Variants in BANK1 observed in about 807,000 individuals in gnomAD.
The protein encoded by BANK1 is B cell scaffold protein with ankyrin repeats 1.
BANK1 carries 95 observed loss-of-function variants against 94.5 expected under a neutral mutation model. That is an observed-to-expected ratio of 1.00 (90% CI 0.85 to 1.19). The LOEUF (loss-of-function observed/expected upper bound fraction) is 1.19. BANK1 is among the 50% of genes most tolerant of loss of function. BANK1 has a pLI of 0.00. For missense variants in BANK1, 987 were observed against 932.2 expected, an observed-to-expected ratio of 1.06 and a Z score of -0.77; for synonymous variants, 334 against 308.4, an observed-to-expected ratio of 1.08 and a Z score of -0.87.
chr4:101,981,542 C>A (rs995077681), intron 7 of BANK1, among the ~76,000 whole-genome samples: 21 of 151,980 alleles, frequency 1.4e-4, no homozygotes. Context: ...TTTCTGAAAT[C>A]ATTGATGATT....
At chr4:101,794,646 C>T (rs77613358) in intron 1 of BANK1, among the ~76,000 whole-genome samples, 93,128 of 151,468 alleles carry the variant, frequency 0.61, 29,260 homozygotes, top group African/African-American at 0.75. Flanking sequence ...GAAATAGTCC[C>T]AGTGGTGGAA....
intron 6 of BANK1, among the ~76,000 whole-genome samples, chr4:101,897,532 A>G (rs1056682142): frequency 1.4e-4 from 21 of 152,010 alleles, no homozygotes; most frequent in African/African-American, 4.6e-4. Context: ...AATCTGGTTC[A>G]GCAGGGCTGG....
At chr4:102,013,141 C>G (rs1726566880) in intron 7 of BANK1, among the ~76,000 whole-genome samples, 1 of 152,012 alleles carries the variant, frequency 6.6e-6, no homozygotes, top group Admixed American at 6.6e-5. Context: ...TCTGGTACAC[C>G]CCGTTGTTAT....
At chr4:101,922,329 T>A (rs189585895) in intron 7 of BANK1, among the ~76,000 whole-genome samples, 1 of 151,834 alleles carries the variant, frequency 6.6e-6, no homozygotes, top group Admixed American at 6.6e-5. Flanking sequence ...ACAAGTAGAT[T>A]GTTCCATTTA....
At chr4:101,924,375 GT>G (rs1723089701) in intron 7 of BANK1, among the ~76,000 whole-genome samples, 1 of 151,742 alleles carries the variant, frequency 6.6e-6, no homozygotes, top group South Asian at 2.1e-4. Flanking sequence ...TTTTCTCAGT[GT>G]TTTGCTATGT....
intron 7 of BANK1, among the ~76,000 whole-genome samples, chr4:102,016,271 C>T (rs1222713207): frequency 6.6e-6 from 1 of 152,110 alleles, no homozygotes; most frequent in Non-Finnish European, 1.5e-5. Flanking sequence ...TGTTTGTCTT[C>T]TCCACTAATT....
intron 10 of BANK1, among the ~76,000 whole-genome samples, chr4:102,036,302 G>A (rs1037846827): frequency 6.6e-6 from 1 of 152,140 alleles, no homozygotes; most frequent in African/African-American, 2.4e-5. Context: ...CAATTCACTT[G>A]TACTTGAAAT....
intron 1 of BANK1, among the ~76,000 whole-genome samples, chr4:101,816,914 G>T (rs772650568): frequency 6.6e-6 from 1 of 152,068 alleles, no homozygotes; most frequent in Non-Finnish European, 1.5e-5. Context: ...AGGAGTCAAC[G>T]GAAGAATAAG....
intron 6 of BANK1, among the ~76,000 whole-genome samples, chr4:101,907,152 A>G (rs940611151): frequency 6.6e-6 from 1 of 152,206 alleles, no homozygotes; most frequent in Non-Finnish European, 1.5e-5. Context: ...GGCACAGATC[A>G]CTCATGCTAT....
intron 1 of BANK1, among the ~76,000 whole-genome samples, chr4:101,816,885 A>G (rs1400308506): frequency 1.3e-5 from 2 of 152,200 alleles, no homozygotes; most frequent in Admixed American, 1.3e-4. Context: ...ATAACTCACA[A>G]GTTAATTTTC....
At chr4:102,034,011 G>A (rs2903275) in intron 10 of BANK1, among the ~76,000 whole-genome samples, 2,542 of 145,866 alleles carry the variant, frequency 0.017, 52 homozygotes, top group African/African-American at 0.06. Flanking sequence ...CACAGAGTAA[G>A]AGCCTTTCCT....
intron 1 of BANK1, among the ~76,000 whole-genome samples, chr4:101,799,349 G>C (rs886552065): frequency 6.6e-6 from 1 of 152,170 alleles, no homozygotes; most frequent in Non-Finnish European, 1.5e-5. Context: ...GTACCATACT[G>C]TTTTGGTTAC....
At chr4:102,037,726 T>G (rs114164871) in intron 10 of BANK1, among the ~76,000 whole-genome samples, 2,927 of 152,310 alleles carry the variant, frequency 0.019, 63 homozygotes, top group Middle Eastern at 0.058. Flanking sequence ...TGGTTTTGGT[T>G]TTGGTTTTAA....
intron 13 of BANK1, among the ~76,000 whole-genome samples, chr4:102,063,741 C>T (rs56712481): frequency 0.012 from 1,846 of 150,296 alleles, 38 homozygotes; most frequent in African/African-American, 0.041. Context: ...AGAACCCCCC[C>T]GGAAGGCACA....
intron 7 of BANK1, among the ~76,000 whole-genome samples, chr4:101,997,293 G>C (rs372124587): frequency 6.6e-6 from 1 of 152,136 alleles, no homozygotes; most frequent in East Asian, 1.9e-4. Context: ...CTTGTTCGTG[G>C]TGGATAAGCT....
At chr4:101,909,379 C>CCGGG (rs1399040643) in intron 6 of BANK1, among the ~76,000 whole-genome samples, 1 of 152,106 alleles carries the variant, frequency 6.6e-6, no homozygotes, top group Non-Finnish European at 1.5e-5. Flanking sequence ...ACATCACACA[C>CCGGG]CGGGGCCTGT....
At chr4:101,918,631 G>C (rs1284310572) in intron 7 of BANK1, among the ~76,000 whole-genome samples, 1 of 151,920 alleles carries the variant, frequency 6.6e-6, no homozygotes, top group African/African-American at 2.4e-5. Flanking sequence ...TTTTCTGGTT[G>C]TAACAAAGAT....
chr4:101,874,069 G>A (rs1161327671), intron 5 of BANK1, among the ~76,000 whole-genome samples: 11 of 152,132 alleles, frequency 7.2e-5, no homozygotes, highest in Non-Finnish European at 1.2e-4. Context: ...TTGCTTATTA[G>A]TAAAAAGGTA....
At position 101,967,623 on chromosome 4, in the gene BANK1, G is replaced by A. The variant is rs911473581; in HGVS notation, c.1206+49434G>A. On this transcript the variant is annotated intron_variant, in intron 7 of 16. Transcript: ENST00000322953. ...TGTCGCTTTTTTTTACTGAAAAAAC[G>A]ATGCTCTGAAGGATTTAAGGTCACA... 5.3e-5 allele frequency among the ~76,000 whole-genome samples: 8 copies of A among 151,904 alleles called. No individual in the cohort carries two copies. In the East Asian group the frequency reaches 7.7e-4, roughly 15 times the overall value.
Sources: gnomAD v4.1 joint callset for allele counts (sites outside exome capture counted in the v4.1 genomes callset) on GRCh38, gnomAD v4.1.1 for gene constraint, MANE v1.5 for transcripts, NCBI Gene and HGNC (gene_info 2026-07-23, HGNC 2026-07-21) for gene names.